DCST1: variants seen among roughly 807,000 people sequenced by gnomAD.
The protein encoded by DCST1 is DC-STAMP domain containing 1.
In DCST1, 78 loss-of-function variants were observed where a neutral mutation model predicts 89.1. The observed-to-expected ratio is 0.88, with a 90% confidence interval of 0.73 to 1.06. The LOEUF (loss-of-function observed/expected upper bound fraction) is 1.06. DCST1 is among the 50% of genes least tolerant of loss of function. DCST1 has a pLI of 0.00. For synonymous variants in DCST1, 364 were observed against 371.9 expected, an observed-to-expected ratio of 0.98 and a Z score of 0.24; for missense variants, 900 against 928.6, an observed-to-expected ratio of 0.97 and a Z score of 0.40.
At chr1:155,050,513 C>G in intron 16 of DCST1, 104 bp from the exon 17 acceptor site, 1 of 1,418,558 alleles carries the variant, frequency 7.0e-7, no homozygotes, top group Middle Eastern at 2.6e-4. Context: ...TCCTCCAACA[C>G]GCGGGAATTG....
Position 155,039,465 on chromosome 1 carries a change from C to T in DCST1, c.325C>T (p.Pro109Ser). 6.2e-7 allele frequency: 1 copy of T among 1,602,204 alleles called. No individual in the cohort carries two copies. The highest frequency in any genetic ancestry group is 8.5e-7 in the Non-Finnish European group (1 of 1,174,192). The change falls in exon 5 of 17, where the codon CCC becomes TCC. Residue 109 changes from proline to serine, a missense_variant. Pro to Ser is a moderately conservative substitution (Grantham distance 74). Transcript: ENST00000295542. ...HIRCASLLLV[P>S]KMLGKEGRLF... is the part of the protein sequence containing the mutation. ...CCGCTGTGCCAGCCTCCTACTAGTA[C>T]CCAAGATGCTGGGCAAGGAAGGCAG...
chr1:155,039,922 C>A (rs575312030), intron 5 of DCST1, among the ~76,000 whole-genome samples: 7 of 130,000 alleles, frequency 5.4e-5, no homozygotes, highest in Non-Finnish European at 1.1e-4. Flanking sequence ...ACCTGGGAGG[C>A]GGAGCCTGCA....
rs1236720831 is a variant in DCST1, at chr1:155,042,738, TGGA to T, written c.899_901del (p.Glu300del). 20 of 1,614,042 alleles carry T rather than the reference TGGA, an allele frequency of 1.2e-5. No homozygotes were observed. Among genetic ancestry groups the T allele is most frequent in the Non-Finnish European group, 1.7e-5 (20 of 1,180,036 alleles). ...GACCCCGTCCACTGTTCACCAGTGA[TGGA>T]GGTTTGGTGCCGCAATCGCATCCCA... On this transcript the variant is annotated inframe_deletion, in exon 9 of 17. Coordinates refer to ENST00000295542, the MANE Select transcript of DCST1 (RefSeq NM_152494.4).
At chr1:155,036,760 T>C (rs932624970) in intron 4 of DCST1, among the ~76,000 whole-genome samples, 9 of 152,252 alleles carry the variant, frequency 5.9e-5, no homozygotes, top group African/African-American at 2.2e-4. Context: ...TTGGAGGCTG[T>C]GTGTGGACCT....
chr1:155,047,845 G>T lies in DCST1; in HGVS notation c.1671G>T (p.Pro557=). 1 of 1,614,188 alleles carries T rather than the reference G, an allele frequency of 6.2e-7. No homozygotes were observed. ...DARAYWRAAV[P]IGLLVCLCLL... is the part of the protein sequence containing the mutation. ...GGGCCTACTGGAGAGCTGCAGTACC[G>T]ATTGGCCTGTTAGTGTGTCTCTGCC... Residue 557 remains proline, a synonymous_variant, in exon 15 of 17, where the codon CCG becomes CCT. Coordinates refer to ENST00000295542, the MANE Select transcript of DCST1 (RefSeq NM_152494.4).
At chr1:155,037,623 T>C (rs547876135) in intron 4 of DCST1, among the ~76,000 whole-genome samples, 3 of 152,162 alleles carry the variant, frequency 2.0e-5, no homozygotes, top group East Asian at 3.9e-4. Context: ...TTTATATTTT[T>C]AGTTGAGACA....
At position 155,034,194 on chromosome 1, in the gene DCST1, C is replaced by T. The variant is rs1046193037; in HGVS notation, c.61+97C>T. On this transcript the variant is annotated intron_variant, in intron 2 of 16. Transcript: ENST00000295542. ...GCACACTATCCCCCAACTCGGTGTC[C>T]GCGCCTCCACCACCTCTCTGGTCTA... 25 of 1,551,758 alleles carry T rather than the reference C, an allele frequency of 1.6e-5. No individual in the cohort carries two copies. In the East Asian group the frequency reaches 2.0e-4, roughly 13 times the overall value.
rs544612246 is a variant in DCST1, at chr1:155,034,498, C to A, written c.125C>A (p.Pro42Gln). The A allele has an allele frequency of 3.2e-5, 52 of 1,613,662 alleles. No homozygotes were observed. The South Asian group carries it at 5.5e-4, about 17-fold the overall frequency. The part of the protein sequence containing the change: ...VSCSWFLWRQ[P>Q]GEFPVTALLL... ...TGTAGCTGGTTCCTGTGGCGCCAGC[C>A]GGGCGAGTTTCCTGTCACTGCTCTC... The change falls in exon 3 of 17, where the codon CCG (proline) becomes CAG (glutamine). Residue 42 changes from proline (P) to glutamine (Q), a missense_variant. Transcript: ENST00000295542.
At chr1:155,045,616 C>T (rs1648215297) in intron 10 of DCST1, 1 of 476,608 alleles carries the variant, frequency 2.1e-6, no homozygotes, top group Non-Finnish European at 3.8e-6. Flanking sequence ...CCCAGACAGG[C>T]TGACCATGCC....
chr1:155,048,569 G>A (rs1433084059), intron 16 of DCST1, among the ~76,000 whole-genome samples: 1 of 152,156 alleles, frequency 6.6e-6, no homozygotes, highest in African/African-American at 2.4e-5. Context: ...CAAAGTCCTA[G>A]GATTACAGGC....
Position 155,033,827 on chromosome 1 carries a change from C to T in DCST1, c.-93C>T. 1 of 1,436,060 alleles carries T rather than the reference C, an allele frequency of 7.0e-7. No homozygotes were observed. The highest frequency in any genetic ancestry group is 9.4e-7 in the Non-Finnish European group (1 of 1,062,056). The allele number at this position is 1,436,060 out of a possible 1,614,324, so 89.0% of individuals were successfully genotyped here. A position where few individuals can be genotyped will look rare whatever the true frequency, so the allele number is the denominator to read the frequency against. ...CTGCATATGTCTTGGAATCCTTGAC[C>T]CAGTTCCGAGGACTGGAGAGGGGAT... On this transcript the variant is annotated 5_prime_UTR_variant, in exon 1 of 17. Transcript: ENST00000295542.
At chr1:155,048,648 A>G (rs936495585) in intron 16 of DCST1, among the ~76,000 whole-genome samples, 2 of 152,188 alleles carry the variant, frequency 1.3e-5, no homozygotes, top group Non-Finnish European at 1.5e-5. Flanking sequence ...CCAGCCATCC[A>G]GCTCCTAAGG....
At position 155,048,182 on chromosome 1, in the gene DCST1, C is replaced by A. The variant is rs761239214; in HGVS notation, c.1869+12C>A. On this transcript the variant is annotated intron_variant, in intron 16 of 16. Transcript: ENST00000295542. ...AGCAGAAGGCTCCGGTAAGTCCAGGCGTAAGTGCTGCTGCCAGCTCCTGGC... is the reference window on the plus strand; with the variant it reads ...AGCAGAAGGCTCCGGTAAGTCCAGGAGTAAGTGCTGCTGCCAGCTCCTGGC... 36 of 1,610,070 alleles carry A rather than the reference C, an allele frequency of 2.2e-5. No homozygotes were observed. The highest frequency in any genetic ancestry group is 6.7e-5 in the Admixed American group (4 of 59,800).
intron 16 of DCST1, chr1:155,049,311 C>A: frequency 2.1e-6 from 1 of 466,736 alleles, no homozygotes; most frequent in Non-Finnish European, 3.8e-6. Context: ...TGCATGTTAT[C>A]ATTGGGTGAC....
intron 4 of DCST1, 121 bp downstream of exon 4, chr1:155,034,848 G>A (rs1363497805): frequency 2.1e-5 from 22 of 1,066,518 alleles, no homozygotes; most frequent in Non-Finnish European, 3.1e-5. Flanking sequence ...TGTGGCTTCC[G>A]CCTCCTCCTG....
chr1:155,046,598 C>CTAT, intron 13 of DCST1, 112 bp downstream of exon 13: 5 of 415,784 alleles, frequency 1.2e-5, no homozygotes, highest in Non-Finnish European at 1.7e-5. Context: ...GTCCTTCTGC[C>CTAT]TCTTTTTTTT....
At chr1:155,049,638 C>T (rs1211431810) in intron 16 of DCST1, among the ~76,000 whole-genome samples, 1 of 152,106 alleles carries the variant, frequency 6.6e-6, no homozygotes, top group African/African-American at 2.4e-5. Flanking sequence ...ACATTATAAA[C>T]AATGAGTGGC....
chr1:155,047,871 T>C lies in DCST1; in HGVS notation c.1697T>C (p.Leu566Pro), dbSNP rs752101495. ...VPIGLLVCLC[L>P]LQAFGYRLRR... ...ATTGGCCTGTTAGTGTGTCTCTGCC[T>C]GTTACAGGCTTTTGGCTACCGACTC... Residue 566 changes from leucine to proline, a missense_variant, in exon 15 of 17, where the codon CTG becomes CCG. Transcript: ENST00000295542. 7.4e-6 allele frequency: 12 copies of C among 1,614,072 alleles called. No individual in the cohort carries two copies. The Admixed American group carries it at 8.3e-5, about 11-fold the overall frequency.
chr1:155,039,415 T>C lies in DCST1; in HGVS notation c.275T>C (p.Met92Thr), dbSNP rs753589138. ...FLYSLVGLGA[M>T]GWGTSPHIRC... ...GCTCTCCTGACAGGCTTGGGGGCCA[T>C]GGGCTGGGGGACCTCCCCTCACATC... The change falls in exon 5 of 17, where the codon ATG (methionine) becomes ACG (threonine). Residue 92 changes from methionine to threonine, a missense_variant. By Grantham distance (81) the Met-to-Thr change is moderately conservative (BLOSUM62 -1). Transcript: ENST00000295542. 4 of 1,589,240 alleles carry C rather than the reference T, an allele frequency of 2.5e-6. No homozygotes were observed. The Admixed American group carries it at 5.2e-5, about 21-fold the overall frequency.
Sources: gnomAD v4.1 joint callset for allele counts (sites outside exome capture counted in the v4.1 genomes callset) on GRCh38, gnomAD v4.1.1 for gene constraint, MANE v1.5 for transcripts, NCBI Gene and HGNC (gene_info 2026-07-23, HGNC 2026-07-21) for gene names.